The following CYP2C18 variants were observed in gnomAD, a reference collection of about 807,000 sequenced individuals.
The protein encoded by CYP2C18 is cytochrome P450 family 2 subfamily C member 18.
CYP2C18 carries 38 observed loss-of-function variants against 41.3 expected under a neutral mutation model. The observed-to-expected ratio is 0.92, with a 90% confidence interval of 0.71 to 1.21. CYP2C18 has a LOEUF of 1.21. Among genes scored for constraint, CYP2C18 ranks in the 50% most tolerant of loss-of-function variants. CYP2C18 has a pLI of 0.00. For synonymous variants in CYP2C18, 236 were observed against 210.0 expected (o/e 1.12, Z -1.07); for missense variants, 635 against 591.4 (o/e 1.07, Z -0.77).
At chr10:94,714,738 G>T (rs1036656685) in intron 5 of CYP2C18, among the ~76,000 whole-genome samples, 6 of 152,080 alleles carry the variant, frequency 3.9e-5, no homozygotes, top group Non-Finnish European at 7.4e-5. Context: ...GCTTGATGGG[G>T]ATGGCATTGA....
intron 5 of CYP2C18, among the ~76,000 whole-genome samples, chr10:94,708,853 T>C (rs1847386272): frequency 6.6e-6 from 1 of 152,210 alleles, no homozygotes; most frequent in Non-Finnish European, 1.5e-5. Context: ...TTGTCTGACT[T>C]CTGTCACTTA....
intron 5 of CYP2C18, among the ~76,000 whole-genome samples, chr10:94,711,492 C>G (rs1490630417): frequency 6.6e-6 from 1 of 152,004 alleles, no homozygotes; most frequent in Admixed American, 6.6e-5. Flanking sequence ...CACTTTAGCT[C>G]GACCTTCTGG....
intron 6 of CYP2C18, among the ~76,000 whole-genome samples, chr10:94,722,911 C>T (rs1391552598): frequency 1.3e-5 from 2 of 152,104 alleles, no homozygotes; most frequent in East Asian, 1.9e-4. Flanking sequence ...GTGGAAAGAC[C>T]TCCATTTTTC....
intron 3 of CYP2C18, among the ~76,000 whole-genome samples, chr10:94,692,343 C>T (rs1288257649): frequency 1.3e-5 from 2 of 151,964 alleles, no homozygotes; most frequent in African/African-American, 4.8e-5. Flanking sequence ...AAAAAGATCC[C>T]CATCAAAAAG....
intron 8 of CYP2C18, among the ~76,000 whole-genome samples, chr10:94,734,060 A>C (rs1264923226): frequency 1.3e-5 from 2 of 152,098 alleles, no homozygotes; most frequent in African/African-American, 4.8e-5. Context: ...TCATTGCAGC[A>C]GGAAACAGGA....
intron 5 of CYP2C18, among the ~76,000 whole-genome samples, chr10:94,709,818 C>CGT (rs1554843414): frequency 1.3e-5 from 2 of 152,140 alleles, no homozygotes; most frequent in African/African-American, 4.8e-5. Flanking sequence ...TTTGCATGTG[C>CGT]ATTCAGTTGT....
chr10:94,684,286 C>T (rs1440846193), intron 1 of CYP2C18, among the ~76,000 whole-genome samples: 1 of 152,108 alleles, frequency 6.6e-6, no homozygotes, highest in Middle Eastern at 3.2e-3. Context: ...CAATAGAACA[C>T]CCGAGCTTAT....
intron 1 of CYP2C18, among the ~76,000 whole-genome samples, chr10:94,687,445 G>C (rs1846907911): frequency 6.6e-6 from 1 of 152,140 alleles, no homozygotes; most frequent in Admixed American, 6.6e-5. Flanking sequence ...TGGACCTTCT[G>C]TTTATCAGCT....
In CYP2C18 at chr10:94,724,526, T is replaced by A. The variant is rs771887837; in HGVS notation, c.1142T>A (p.Ile381Asn). 6.2e-7 allele frequency: 1 copy of A among 1,613,080 alleles called. No homozygotes were observed. The highest frequency in any genetic ancestry group is 1.3e-5 in the African/African-American group (1 of 74,824). ...GATGTTAAATTCAAAAACTACCTCA[T>A]CCCCAAGGTAAGCTTGTTTCTCCTA... ...TCDVKFKNYL[I>N]PKGTTIITSL... Residue 381 changes from isoleucine (I) to asparagine (N), a missense_variant, in exon 7 of 9, where the codon ATC (isoleucine) becomes AAC (asparagine). Ile to Asn is a moderately radical substitution (Grantham distance 149). Transcript: ENST00000285979.
intron 5 of CYP2C18, among the ~76,000 whole-genome samples, chr10:94,718,375 T>A (rs1252103716): frequency 6.6e-6 from 1 of 152,148 alleles, no homozygotes; most frequent in Non-Finnish European, 1.5e-5. Flanking sequence ...GTATGTAAGA[T>A]CATGCCATCA....
intron 5 of CYP2C18, among the ~76,000 whole-genome samples, chr10:94,707,288 G>A (rs1431235406): frequency 1.3e-5 from 2 of 152,244 alleles, no homozygotes; most frequent in Middle Eastern, 3.4e-3. Context: ...GGAGAGTGAG[G>A]TGAAAGGGTT....
intron 5 of CYP2C18, among the ~76,000 whole-genome samples, chr10:94,717,953 A>T (rs899351996): frequency 1.3e-5 from 2 of 152,018 alleles, no homozygotes; most frequent in African/African-American, 4.8e-5. Flanking sequence ...GTGGTTCTAT[A>T]TGAATTTTTT....
chr10:94,684,097 G>A (rs1846838626), intron 1 of CYP2C18, 110 bp downstream of exon 1: 3 of 725,220 alleles, frequency 4.1e-6, no homozygotes, highest in Non-Finnish European at 6.3e-6. Flanking sequence ...TATATTAATG[G>A]GGTACAATAT....
intron 1 of CYP2C18, among the ~76,000 whole-genome samples, chr10:94,684,227 GT>G (rs1199021335): frequency 1.3e-5 from 2 of 151,996 alleles, no homozygotes. Flanking sequence ...TTTTTTAGCT[GT>G]TTTGAAATAT....
At chr10:94,712,008 A>ATCTTTTTTTTTTTTTTTTTTTTTTT (rs1847444094) in intron 5 of CYP2C18, among the ~76,000 whole-genome samples, 1 of 97,874 alleles carries the variant, frequency 1.0e-5, no homozygotes, top group African/African-American at 4.3e-5. Flanking sequence ...TGCCCAACTA[A>ATCTTTTTTTTTTTTTTTTTTTTTTT]TTTTTTTTTT....
chr10:94,716,159 AGG>A (rs1847538657), intron 5 of CYP2C18, among the ~76,000 whole-genome samples: 1 of 151,942 alleles, frequency 6.6e-6, no homozygotes, highest in African/African-American at 2.4e-5. Context: ...GATTTTTTGA[AGG>A]GTTTTTGTGT....
intron 7 of CYP2C18, among the ~76,000 whole-genome samples, chr10:94,732,786 G>A (rs7094920): frequency 0.079 from 12,071 of 151,946 alleles, 548 homozygotes; most frequent in South Asian, 0.12. Flanking sequence ...GCAACAATAG[G>A]CACTGGGGAC....
chr10:94,694,993 AT>A lies in CYP2C18; in HGVS notation c.561del (p.Phe187LeufsTer11). The A allele has an allele frequency of 6.2e-7, 1 of 1,613,112 alleles. No homozygotes were observed. Among genetic ancestry groups the A allele is most frequent in the Non-Finnish European group, 8.5e-7 (1 of 1,179,822 alleles). Reference protein sequence around the residue: ...VICSVIFHDRFDYKDQRFLNL... With the variant: ...VICSVIFHDRXDYKDQRFLNL... ...TCTGCTCTGTTATTTTCCATGATCG[AT>A]TTGATTATAAAGATCAGAGGTTTCT... On this transcript the variant is annotated frameshift_variant, in exon 4 of 9. Coordinates refer to ENST00000285979, the MANE Select transcript of CYP2C18 (RefSeq NM_000772.3). LOFTEE classifies it high-confidence loss of function.
At chr10:94,697,241 T>C (rs1847135102) in intron 4 of CYP2C18, among the ~76,000 whole-genome samples, 1 of 152,170 alleles carries the variant, frequency 6.6e-6, no homozygotes, top group Admixed American at 6.5e-5. Flanking sequence ...AAAGCTTGGG[T>C]TACCCACAAA....
Sources: allele counts gnomAD v4.1 joint callset (sites outside exome capture counted in the v4.1 genomes callset), GRCh38; gene constraint gnomAD v4.1.1; transcripts MANE v1.5; gene names NCBI Gene and HGNC (gene_info 2026-07-23, HGNC 2026-07-21).